FAM184A: variants seen among roughly 807,000 people sequenced by gnomAD.
The protein encoded by FAM184A is family with sequence similarity 184 member A.
A neutral mutation model predicts 143.8 loss-of-function variants in FAM184A; 99 were observed. The observed-to-expected ratio is 0.69, with a 90% CI of 0.58 to 0.81. The LOEUF (loss-of-function observed/expected upper bound fraction) is 0.81. Among genes scored for constraint, FAM184A ranks in the 40% least tolerant of loss-of-function variants. FAM184A has a pLI of 0.00. For missense variants in FAM184A, 1,217 were observed against 1,310.5 expected (o/e 0.93, Z 1.10); for synonymous variants, 427 against 446.4 (o/e 0.96, Z 0.55).
intron 1 of FAM184A, among the ~76,000 whole-genome samples, chr6:119,125,501 G>C (rs1164993813): frequency 3.3e-5 from 5 of 152,162 alleles, no homozygotes; most frequent in Non-Finnish European, 7.4e-5. Context: ...TCGAACTCCT[G>C]ACCTCGTGAT....
At chr6:119,079,432 A>G (rs368490596), upstream of FAM184A, among the ~76,000 whole-genome samples, 12 of 152,240 alleles carry the variant, frequency 7.9e-5, 1 homozygote, top group South Asian at 6.2e-4. Context: ...CAGTGCTTTA[A>G]GGATTTGGAG....
At chr6:119,026,217 A>G in intron 1 of FAM184A, among the ~76,000 whole-genome samples, 1 of 152,216 alleles carries the variant, frequency 6.6e-6, no homozygotes, top group East Asian at 1.9e-4. Flanking sequence ...CAAAGTCTAC[A>G]GGAAAAAATG....
intron 1 of FAM184A, among the ~76,000 whole-genome samples, chr6:119,133,725 A>G (rs1789593436): frequency 6.6e-6 from 1 of 152,114 alleles, no homozygotes; most frequent in South Asian, 2.1e-4. Flanking sequence ...ACTTCACCTC[A>G]GAAGGGGGTC....
chr6:119,079,311 C>G (rs1352650502), upstream of FAM184A: 1 of 152,208 alleles, frequency 6.6e-6, no homozygotes, highest in Non-Finnish European at 1.5e-5. Flanking sequence ...TAGCTACTTT[C>G]CCGCGGTGGA....
Position 118,970,008 on chromosome 6 carries a change from A to ATATATATATATATATATATTTTTTTT in FAM184A, c.2916-3057_2916-3056insAAAAAAAATATATATATATATATATA. Among the ~76,000 whole-genome samples, 6 of 19,048 alleles carry ATATATATATATATATATATTTTTTTT rather than the reference A, an allele frequency of 3.1e-4. 1 individual carries two copies. Among genetic ancestry groups the ATATATATATATATATATATTTTTTTT allele is most frequent in the Admixed American group, 1.5e-3 (2 of 1,316 alleles). 12.5% of individuals were successfully genotyped at this position (19,048 alleles called of 152,430 possible). On this transcript the variant is annotated intron_variant, in intron 14 of 17. Transcript: ENST00000338891. The stretch of plus-strand genomic sequence containing the variant: ...ATATATATATAATATATATATATAT[A>ATATATATATATATATATATTTTTTTT]TTTTTTTTTTTTTGAGATGGAGTTT...
chr6:119,133,140 G>A (rs1315426062), intron 1 of FAM184A, among the ~76,000 whole-genome samples: 1 of 152,150 alleles, frequency 6.6e-6, no homozygotes, highest in Non-Finnish European at 1.5e-5. Context: ...AATTAGCAAA[G>A]TCTTAGGAGG....
At chr6:119,127,830 GCATTCATT>G (rs112401976) in intron 1 of FAM184A, among the ~76,000 whole-genome samples, 1 of 152,112 alleles carries the variant, frequency 6.6e-6, no homozygotes. Flanking sequence ...CATCATTCAT[GCATTCATT>G]CATTCATTCA....
intron 2 of FAM184A, among the ~76,000 whole-genome samples, chr6:119,023,553 CCG>C (rs200512285): frequency 0.58 from 30,732 of 52,904 alleles, 7,765 homozygotes; most frequent in Admixed American, 0.65. Context: ...GCAATATTGT[CCG>C]CCCCCCCCCC....
intron 1 of FAM184A, among the ~76,000 whole-genome samples, chr6:119,070,057 T>C (rs772002473): frequency 2.0e-5 from 3 of 152,138 alleles, no homozygotes; most frequent in Non-Finnish European, 4.4e-5. Flanking sequence ...TAGCACATGG[T>C]AGCCAAGTCT....
At chr6:119,021,382 T>C (rs1399268200) in intron 3 of FAM184A, among the ~76,000 whole-genome samples, 7 of 152,162 alleles carry the variant, frequency 4.6e-5, no homozygotes, top group Non-Finnish European at 7.4e-5. Context: ...TGAAAAAGCA[T>C]ACCAGCCACT....
chr6:119,003,399 A>G (rs545013572), intron 8 of FAM184A, 102 bp downstream of exon 8: 1 of 1,114,862 alleles, frequency 9.0e-7, no homozygotes, highest in Non-Finnish European at 1.2e-6. Flanking sequence ...TTTAATTTAA[A>G]ATACTGCTAC....
intron 1 of FAM184A, among the ~76,000 whole-genome samples, chr6:119,050,811 C>CAAA (rs1239635141): frequency 1.3e-5 from 1 of 74,984 alleles, no homozygotes; most frequent in Non-Finnish European, 2.9e-5. Context: ...GACTCCGTCT[C>CAAA]AAAAAAAAAA....
chr6:119,076,253 C>A (rs960270166), intron 1 of FAM184A, among the ~76,000 whole-genome samples: 4 of 152,110 alleles, frequency 2.6e-5, no homozygotes, highest in Admixed American at 6.5e-5. Context: ...ACTGAGAAAC[C>A]TAGTATGAAG....
chr6:118,970,008 A>ATATATATATATATTTTTTT, intron 14 of FAM184A, among the ~76,000 whole-genome samples: 1 of 19,046 alleles, frequency 5.3e-5, no homozygotes, highest in Non-Finnish European at 1.1e-4. Context: ...ATATATATAT[A>ATATATATATATATTTTTTT]TTTTTTTTTT....
intron 3 of FAM184A, among the ~76,000 whole-genome samples, chr6:119,021,305 C>A (rs1244004735): frequency 6.6e-6 from 1 of 152,208 alleles, no homozygotes; most frequent in Non-Finnish European, 1.5e-5. Context: ...CCTGGGCACA[C>A]TAAACACTTA....
At chr6:118,985,307 G>A (rs1562461518) in intron 9 of FAM184A, among the ~76,000 whole-genome samples, 1 of 152,220 alleles carries the variant, frequency 6.6e-6, no homozygotes, top group Non-Finnish European at 1.5e-5. Context: ...CATCCTGTAA[G>A]TATCACATAG....
intron 1 of FAM184A, among the ~76,000 whole-genome samples, chr6:119,146,922 G>C (rs754963184): frequency 6.6e-6 from 1 of 151,780 alleles, no homozygotes; most frequent in Non-Finnish European, 1.5e-5. Flanking sequence ...CCCCAGGCTT[G>C]CATTTATAGC....
chr6:119,003,084 GA>G, intron 8 of FAM184A, 35 bp from the exon 9 acceptor site: 1 of 1,551,556 alleles, frequency 6.4e-7, no homozygotes, highest in Non-Finnish European at 8.7e-7. Flanking sequence ...TTTGTAAAGA[GA>G]ATTATTCCTT....
At chr6:119,058,175 CTTTTTTT>C (rs5879483) in intron 1 of FAM184A, among the ~76,000 whole-genome samples, 4 of 89,736 alleles carry the variant, frequency 4.5e-5, no homozygotes, top group East Asian at 2.7e-4. Flanking sequence ...CTCCTTCTCT[CTTTTTTT>C]TTTTTTTTTT....
Sources: allele counts gnomAD v4.1 joint callset (sites outside exome capture counted in the v4.1 genomes callset), GRCh38; gene constraint gnomAD v4.1.1; transcripts MANE v1.5; gene names NCBI Gene and HGNC (gene_info 2026-07-23, HGNC 2026-07-21).